The following PHF21A variants were observed in gnomAD, a reference collection of about 807,000 sequenced individuals.
PHF21A encodes PHD finger protein 21A.
A neutral mutation model predicts 82.5 loss-of-function variants in PHF21A; 11 were observed. The ratio of observed to expected loss-of-function variants is 0.13; its 90% CI spans 0.08 to 0.22. PHF21A has a LOEUF of 0.22. Ranked by LOEUF, PHF21A falls within the 10% of genes least tolerant of loss-of-function variation. The pLI, the probability that PHF21A is intolerant of heterozygous loss-of-function variation, is 1.00. For missense variants in PHF21A, 579 were observed against 837.8 expected, an observed-to-expected ratio of 0.69 and a Z score of 3.81; for synonymous variants, 297 against 302.8, an observed-to-expected ratio of 0.98 and a Z score of 0.20.
intron 12 of PHF21A, 95 bp downstream of exon 12, chr11:45,950,111 C>A: frequency 9.9e-7 from 1 of 1,009,530 alleles, no homozygotes; most frequent in South Asian, 1.5e-5. Flanking sequence ...TATTTGTGTT[C>A]CAATTTTCTA....
intron 6 of PHF21A, among the ~76,000 whole-genome samples, chr11:46,011,420 T>C (rs61652532): frequency 0.13 from 19,524 of 151,862 alleles, 1,578 homozygotes; most frequent in African/African-American, 0.24. Flanking sequence ...GCCCAGTAGG[T>C]GGAGGTTGCA....
At chr11:46,098,554 T>C (rs1014697313) in intron 1 of PHF21A, among the ~76,000 whole-genome samples, 1 of 152,218 alleles carries the variant, frequency 6.6e-6, no homozygotes, top group South Asian at 2.1e-4. Flanking sequence ...CAAAAATCCT[T>C]ATTCACAAGC....
At chr11:46,025,777 G>A (rs182235745) in intron 6 of PHF21A, among the ~76,000 whole-genome samples, 14 of 152,196 alleles carry the variant, frequency 9.2e-5, no homozygotes, top group African/African-American at 3.4e-4. Flanking sequence ...GGAATTATTT[G>A]CAAGTCATAG....
intron 9 of PHF21A, among the ~76,000 whole-genome samples, chr11:45,968,489 A>C (rs148321076): frequency 7.9e-5 from 12 of 152,342 alleles, no homozygotes; most frequent in South Asian, 6.2e-4. Context: ...TCCACCCTGG[A>C]ACTACATACA....
chr11:45,956,406 G>C (rs1288099776), intron 10 of PHF21A, among the ~76,000 whole-genome samples: 2 of 152,124 alleles, frequency 1.3e-5, no homozygotes, highest in Non-Finnish European at 2.9e-5. Context: ...ACATAAAGGA[G>C]GGGCAGAGCT....
At chr11:45,996,171 C>T (rs537452221) in intron 6 of PHF21A, among the ~76,000 whole-genome samples, 8 of 152,198 alleles carry the variant, frequency 5.3e-5, no homozygotes, top group Non-Finnish European at 5.9e-5. Context: ...CAGAAACCCC[C>T]GGCTTCAAGT....
rs2095517495 is a variant in PHF21A, at chr11:46,016,353, A to G, written c.154-36387T>C. Among the ~76,000 whole-genome samples, 6 of 152,348 alleles carry G rather than the reference A, an allele frequency of 3.9e-5. No homozygotes were observed. In the South Asian group the frequency reaches 1.2e-3, roughly 32 times the overall value. On this transcript the variant is annotated intron_variant, in intron 6 of 18. Transcript: ENST00000676320. ...TTAGGTAAGGCATTTAAGGCCCTTA[A>G]CAACTATACTTCGCCTCCCATTATA...
rs1159762183 is a variant in PHF21A at position 45,958,396 on chromosome 11, C to CAAAAAAAAAAAAAAAA, written c.997-4787_997-4772dup. ...TGAGCAACATGACAAAACCTGGTCT[C>CAAAAAAAAAAAAAAAA]AAAAAAAAAAAAAAAAAAAAAAAAT... On this transcript the variant is annotated intron_variant, in intron 10 of 18. Coordinates refer to ENST00000676320, the MANE Select transcript of PHF21A (RefSeq NM_001352027.3). Among the ~76,000 whole-genome samples the CAAAAAAAAAAAAAAAA allele has an allele frequency of 1.9e-3, 2 of 1,066 alleles. 1 individual carries two copies. Among genetic ancestry groups the CAAAAAAAAAAAAAAAA allele is most frequent in the African/African-American group, 5.9e-3 (2 of 338 alleles). 0.7% of individuals were successfully genotyped at this position (1,066 alleles called of 152,430 possible). A position where few individuals can be genotyped will look rare whatever the true frequency, so the allele number is the denominator to read the frequency against.
chr11:46,077,019 C>G (rs1294363864), intron 5 of PHF21A, among the ~76,000 whole-genome samples, 200 bp from the exon 6 acceptor site: 3 of 152,220 alleles, frequency 2.0e-5, no homozygotes, highest in African/African-American at 7.2e-5. Context: ...TGCACCAAAA[C>G]AGGAGCAGCT....
At chr11:46,058,488 T>C (rs965787021) in intron 6 of PHF21A, among the ~76,000 whole-genome samples, 1 of 152,206 alleles carries the variant, frequency 6.6e-6, no homozygotes, top group Non-Finnish European at 1.5e-5. Context: ...ACCTGACACA[T>C]AGGAAGTGCC....
At chr11:46,084,115 T>C in intron 4 of PHF21A, 51 bp downstream of exon 4, 1 of 1,256,770 alleles carries the variant, frequency 8.0e-7, no homozygotes, top group Non-Finnish European at 1.1e-6. Context: ...TGTTTACTAA[T>C]CTTAGCCATT....
intron 6 of PHF21A, among the ~76,000 whole-genome samples, chr11:46,021,296 A>C (rs969070763): frequency 2.0e-5 from 3 of 152,116 alleles, no homozygotes; most frequent in Non-Finnish European, 4.4e-5. Context: ...TCGTGGTCTC[A>C]AGCGATCCTC....
In PHF21A at chr11:46,044,737, TTTC is replaced by T. The variant is rs572143646; in HGVS notation, c.153+32014_153+32016del. Reference sequence around the variant, plus strand: ...TCCTTTTAAGGAAAAAAAAATCTGCTTTCTTAACTATATGCCTGACTTCCTTCT... The same window carrying T: ...TCCTTTTAAGGAAAAAAAAATCTGCTTTAACTATATGCCTGACTTCCTTCT... On this transcript the variant is annotated intron_variant, in intron 6 of 18. Transcript: ENST00000676320. 3.5e-4 allele frequency among the ~76,000 whole-genome samples: 53 copies of T among 152,356 alleles called. 3 individuals carry two copies. The highest frequency in any genetic ancestry group is 1.3e-3 in the African/African-American group (53 of 41,582).
intron 3 of PHF21A, among the ~76,000 whole-genome samples, chr11:46,084,629 C>T (rs1000818306): frequency 7.9e-5 from 12 of 151,980 alleles, no homozygotes; most frequent in Non-Finnish European, 1.8e-4. Context: ...GAGACTATAA[C>T]CATCCAGGAC....
chr11:45,948,973 A>T (rs2091718238), intron 13 of PHF21A, 27 bp from the exon 14 acceptor site: 1 of 1,589,438 alleles, frequency 6.3e-7, no homozygotes. Context: ...AGGAAAGGTG[A>T]CTGTTGAGTA....
Position 45,970,090 on chromosome 11 carries a change from T to C in PHF21A, c.613-186A>G. On this transcript the variant is annotated intron_variant, in intron 8 of 18. Coordinates refer to ENST00000676320, the MANE Select transcript of PHF21A (RefSeq NM_001352027.3). ...ACTCTCCCACCTGTGTGCTTTACCC[T>C]ATAAAATGAACCAACCACACTTCTG... The C allele has an allele frequency of 2.7e-5, 15 of 557,956 alleles. No homozygotes were observed. In the South Asian group the frequency reaches 3.2e-4, roughly 12 times the overall value. The allele number at this position is 557,956 out of a possible 1,614,324, so 34.6% of individuals were successfully genotyped here.
chr11:45,947,110 A>T (rs11038720), intron 14 of PHF21A, among the ~76,000 whole-genome samples: 80,130 of 152,030 alleles, frequency 0.53, 23,384 homozygotes, highest in Non-Finnish European at 0.66. Context: ...CAGCACTCCT[A>T]ACTGAGAGAC....
intron 6 of PHF21A, among the ~76,000 whole-genome samples, chr11:45,981,924 C>T (rs1591562454): frequency 3.3e-5 from 4 of 121,708 alleles, no homozygotes; most frequent in Non-Finnish European, 1.8e-5. Context: ...TGGTTTGTTT[C>T]TCTCTTTTTG....
chr11:46,038,506 G>A (rs977025129), intron 6 of PHF21A, among the ~76,000 whole-genome samples: 3 of 152,178 alleles, frequency 2.0e-5, no homozygotes, highest in Non-Finnish European at 4.4e-5. Flanking sequence ...GGAGGTAAAG[G>A]AGTCAGTTGT....
Sources: gnomAD v4.1 joint callset for allele counts (sites outside exome capture counted in the v4.1 genomes callset) on GRCh38, gnomAD v4.1.1 for gene constraint, MANE v1.5 for transcripts, NCBI Gene and HGNC (gene_info 2026-07-23, HGNC 2026-07-21) for gene names.